The following RANBP2 variants were observed in gnomAD, a reference collection of about 807,000 sequenced individuals.
RANBP2 encodes the protein RAN binding protein 2.
Under a neutral mutation model 303.6 loss-of-function variants are expected in RANBP2, and 57 were observed. That is an observed-to-expected ratio of 0.19 (90% CI 0.15 to 0.23). The LOEUF is 0.23. Among genes scored for constraint, RANBP2 ranks in the 10% least tolerant of loss-of-function variants. RANBP2 has a pLI of 1.00. For missense variants in RANBP2, 3,138 were observed against 3,780.8 expected, an observed-to-expected ratio of 0.83 and a Z score of 4.46; for synonymous variants, 1,167 against 1,301.5, an observed-to-expected ratio of 0.90 and a Z score of 2.23.
the RANBP2 span, chr2:109,546,325 T>A: frequency 1.3e-6 from 1 of 789,802 alleles, no homozygotes; most frequent in Non-Finnish European, 1.9e-6. Context: ...GCGGACCCCA[T>A]AGCGCAACAC....
the RANBP2 span, among the ~76,000 whole-genome samples, chr2:109,304,667 C>T: frequency 1.3e-5 from 2 of 152,322 alleles, no homozygotes; most frequent in Non-Finnish European, 2.9e-5. Context: ...TAAAATTAAA[C>T]ATTTGATTTC....
At chr2:109,149,469 TG>T in the RANBP2 span, among the ~76,000 whole-genome samples, 1 of 152,228 alleles carries the variant, frequency 6.6e-6, no homozygotes, top group Non-Finnish European at 1.5e-5. Flanking sequence ...CAGCATTTCA[TG>T]GACCTCAGAT....
the RANBP2 span, among the ~76,000 whole-genome samples, chr2:109,277,530 C>T: frequency 6.6e-6 from 1 of 152,196 alleles, no homozygotes; most frequent in Non-Finnish European, 1.5e-5. Flanking sequence ...TACCAAGTGA[C>T]AGGCGCTGGT....
At chr2:108,895,500 G>A in the RANBP2 span, 1 of 152,184 alleles carries the variant, frequency 6.6e-6, no homozygotes, top group African/African-American at 2.4e-5. Context: ...GCCTATAAAT[G>A]TTATGTCAAA....
the RANBP2 span, chr2:109,129,298 G>T: frequency 2.4e-5 from 17 of 721,420 alleles, no homozygotes; most frequent in East Asian, 2.8e-4. Context: ...AGCCGCAGGC[G>T]CTGCGCTCAG....
chr2:109,711,643 G>A, the RANBP2 span, among the ~76,000 whole-genome samples: 1 of 152,150 alleles, frequency 6.6e-6, no homozygotes, highest in African/African-American at 2.4e-5. Flanking sequence ...CGCTGGCCTG[G>A]CCTGCCCTCC....
the RANBP2 span, among the ~76,000 whole-genome samples, chr2:109,724,454 T>A: frequency 6.6e-6 from 1 of 152,186 alleles, no homozygotes; most frequent in South Asian, 2.1e-4. Flanking sequence ...TGAGCAGTGG[T>A]TCTTGAAGAG....
At chr2:109,034,609 C>T in the RANBP2 span, among the ~76,000 whole-genome samples, 1 of 152,230 alleles carries the variant, frequency 6.6e-6, no homozygotes, top group Non-Finnish European at 1.5e-5. Context: ...ACACCTGGCT[C>T]AGGCCACTTC....
At chr2:108,942,833 A>G in the RANBP2 span, among the ~76,000 whole-genome samples, 3 of 152,148 alleles carry the variant, frequency 2.0e-5, no homozygotes, top group African/African-American at 7.2e-5. Context: ...CAACAAAAAC[A>G]TTTTCAGGCT....
At chr2:108,923,396 G>A in the RANBP2 span, 8 of 1,614,222 alleles carry the variant, frequency 5.0e-6, no homozygotes, top group South Asian at 5.5e-5. Flanking sequence ...GTGCCAGGAG[G>A]CAGGAGTAGC....
At chr2:109,150,368 A>G in the RANBP2 span, among the ~76,000 whole-genome samples, 1 of 152,172 alleles carries the variant, frequency 6.6e-6, no homozygotes, top group Non-Finnish European at 1.5e-5. Context: ...AGACCATGCT[A>G]GGGATTTTTG....
the RANBP2 span, among the ~76,000 whole-genome samples, chr2:108,934,925 AC>A: frequency 1.3e-5 from 2 of 152,236 alleles, no homozygotes; most frequent in African/African-American, 4.8e-5. Context: ...CTGCTGCTTA[AC>A]TTGTGGAACT....
chr2:109,150,066 C>G, the RANBP2 span, among the ~76,000 whole-genome samples: 1 of 152,236 alleles, frequency 6.6e-6, no homozygotes, highest in Non-Finnish European at 1.5e-5. Flanking sequence ...TTCAACGGTC[C>G]CCAGGTGATG....
At chr2:108,753,231 C>A (rs1367524136) in intron 13 of RANBP2, 72 bp downstream of exon 13, 17 of 1,607,734 alleles carry the variant, frequency 1.1e-5, no homozygotes, top group Non-Finnish European at 3.4e-6. Context: ...TAGAGCTATA[C>A]ACTGCTTAAA....
chr2:109,624,591 G>A, the RANBP2 span, among the ~76,000 whole-genome samples: 1 of 152,194 alleles, frequency 6.6e-6, no homozygotes, highest in East Asian at 1.9e-4. Context: ...CGTACCAAGT[G>A]CTGCTAAAGA....
At chr2:109,356,315 A>G in the RANBP2 span, among the ~76,000 whole-genome samples, 4,388 of 152,180 alleles carry the variant, frequency 0.029, 155 homozygotes, top group African/African-American at 0.089. Flanking sequence ...AATTTCCCAC[A>G]TTGATATTTG....
chr2:109,547,350 T>C, the RANBP2 span, among the ~76,000 whole-genome samples: 3 of 150,648 alleles, frequency 2.0e-5, no homozygotes, highest in African/African-American at 7.3e-5. Flanking sequence ...ATATGTGAAA[T>C]ATACATGCTA....
At chr2:109,049,402 T>C in the RANBP2 span, among the ~76,000 whole-genome samples, 1 of 152,244 alleles carries the variant, frequency 6.6e-6, no homozygotes, top group African/African-American at 2.4e-5. Flanking sequence ...ATATTATCTT[T>C]ATAGCAGCCA....
chr2:109,096,575 T>C, the RANBP2 span, among the ~76,000 whole-genome samples: 17 of 152,274 alleles, frequency 1.1e-4, no homozygotes, highest in Middle Eastern at 3.4e-3. Flanking sequence ...TCTGTTAACT[T>C]TGGAGATTAT....
Sources: gnomAD v4.1 joint callset for allele counts (sites outside exome capture counted in the v4.1 genomes callset) on GRCh38, gnomAD v4.1.1 for gene constraint, MANE v1.5 for transcripts, NCBI Gene and HGNC (gene_info 2026-07-23, HGNC 2026-07-21) for gene names.